Variants in ASCC1 observed in about 807,000 individuals in gnomAD.
ASCC1 encodes activating signal cointegrator 1 complex subunit 1.
Under a neutral mutation model 46.6 loss-of-function variants are expected in ASCC1, and 35 were observed. The observed-to-expected ratio is 0.75, with a 90% CI of 0.57 to 0.99. The LOEUF (loss-of-function observed/expected upper bound fraction) is 0.99. ASCC1 is among the 50% of genes least tolerant of loss of function. ASCC1 has a pLI of 0.00. For missense variants in ASCC1, 376 were observed against 428.7 expected, an observed-to-expected ratio of 0.88 and a Z score of 1.09; for synonymous variants, 143 against 146.6, an observed-to-expected ratio of 0.98 and a Z score of 0.18.
intron 5 of ASCC1, among the ~76,000 whole-genome samples, chr10:72,174,638 T>C (rs894305229): frequency 1.3e-5 from 2 of 152,202 alleles, no homozygotes; most frequent in Non-Finnish European, 2.9e-5. Flanking sequence ...TACATGCCAA[T>C]TGCCAGAGAC....
intron 9 of ASCC1, among the ~76,000 whole-genome samples, chr10:72,119,363 G>C (rs948435759): frequency 1.3e-5 from 2 of 152,072 alleles, no homozygotes; most frequent in Admixed American, 1.3e-4. Flanking sequence ...ACATACCTAG[G>C]GGAAGGATGA....
chr10:72,186,784 C>T (rs1268639871), intron 5 of ASCC1, among the ~76,000 whole-genome samples: 5 of 151,768 alleles, frequency 3.3e-5, no homozygotes, highest in Non-Finnish European at 7.4e-5. Flanking sequence ...TCCCTGAAAG[C>T]AGGAAGGAAG....
chr10:72,207,199 G>A (rs1434966306), intron 3 of ASCC1, among the ~76,000 whole-genome samples: 1 of 152,146 alleles, frequency 6.6e-6, no homozygotes, highest in Non-Finnish European at 1.5e-5. Flanking sequence ...ATCACCTGAG[G>A]TCATGAGTTC....
At chr10:72,129,095 C>T (rs1845242010) in intron 8 of ASCC1, among the ~76,000 whole-genome samples, 1 of 152,140 alleles carries the variant, frequency 6.6e-6, no homozygotes, top group African/African-American at 2.4e-5. Flanking sequence ...ACTCCATGAA[C>T]ATAATACATA....
chr10:72,160,752 C>A (rs1849558267), intron 6 of ASCC1, among the ~76,000 whole-genome samples: 1 of 145,088 alleles, frequency 6.9e-6, no homozygotes, highest in African/African-American at 2.6e-5. Context: ...TTTTAAAATT[C>A]TTGCTGAATC....
At chr10:72,207,600 T>C (rs1857404206) in intron 3 of ASCC1, among the ~76,000 whole-genome samples, 1 of 152,072 alleles carries the variant, frequency 6.6e-6, no homozygotes, top group South Asian at 2.1e-4. Flanking sequence ...CAGACTCTGA[T>C]TTAATCGGTC....
intron 9 of ASCC1, among the ~76,000 whole-genome samples, chr10:72,113,306 C>T (rs562117332): frequency 3.3e-4 from 51 of 152,294 alleles, no homozygotes; most frequent in Non-Finnish European, 6.3e-4. Context: ...TGACCCAGGA[C>T]AACACATGGA....
intron 9 of ASCC1, among the ~76,000 whole-genome samples, chr10:72,098,073 G>A (rs1198405786): frequency 6.6e-6 from 1 of 152,168 alleles, no homozygotes; most frequent in Non-Finnish European, 1.5e-5. Flanking sequence ...ATTAGACTTG[G>A]ATTCAAGCCA....
intron 8 of ASCC1, among the ~76,000 whole-genome samples, chr10:72,129,103 A>G (rs759730614): frequency 3.3e-5 from 5 of 152,246 alleles, no homozygotes; most frequent in Non-Finnish European, 7.3e-5. Flanking sequence ...AACATAATAC[A>G]TAATACATTT....
chr10:72,099,906 A>G (rs1841541916), intron 9 of ASCC1, among the ~76,000 whole-genome samples: 1 of 152,194 alleles, frequency 6.6e-6, no homozygotes, highest in Non-Finnish European at 1.5e-5. Flanking sequence ...AATAAAAAAT[A>G]TCTTGTAAAC....
rs745569621 is a variant in ASCC1, at chr10:72,132,961, T to C, written c.871+96A>G. ...GCTAAGAGGTCTAAAAAAGAAGCTA[T>C]ATCAGAGATTCTTTGATAGCTCATT... On this transcript the variant is annotated intron_variant, in intron 8 of 9. Transcript: ENST00000672957. 4 of 1,508,588 alleles carry C rather than the reference T, an allele frequency of 2.7e-6. No individual in the cohort carries two copies. In the Admixed American group the frequency reaches 5.0e-5, roughly 19 times the overall value. The allele number at this position is 1,508,588 out of a possible 1,614,324, so 93.5% of individuals were successfully genotyped here.
At chr10:72,203,652 T>C in intron 3 of ASCC1, 128 bp from the exon 4 acceptor site, 1 of 742,158 alleles carries the variant, frequency 1.3e-6, no homozygotes, top group Non-Finnish European at 2.3e-6. Flanking sequence ...AAGCTCAATA[T>C]TTGCGGAAGA....
intron 7 of ASCC1, among the ~76,000 whole-genome samples, chr10:72,143,585 C>T (rs1481780414): frequency 6.7e-6 from 1 of 148,344 alleles, no homozygotes; most frequent in Admixed American, 6.9e-5. Flanking sequence ...TGCAAGATAC[C>T]AACTCATTAA....
intron 5 of ASCC1, among the ~76,000 whole-genome samples, chr10:72,164,122 C>T (rs991877663): frequency 6.6e-6 from 1 of 152,084 alleles, no homozygotes; most frequent in African/African-American, 2.4e-5. Flanking sequence ...GCCACCACTC[C>T]TGGCTAATTT....
intron 9 of ASCC1, among the ~76,000 whole-genome samples, chr10:72,125,739 T>A (rs192996075): frequency 6.6e-6 from 1 of 152,184 alleles, no homozygotes; most frequent in Non-Finnish European, 1.5e-5. Flanking sequence ...AGTAAAATAT[T>A]AAATACTATA....
chr10:72,152,932 T>C lies in ASCC1; in HGVS notation c.683A>G (p.Asn228Ser). ...AACATCCACCATGCCAGGATCATCA[T>C]TCATGTATTCTATCCCTGCCATCTC... is the stretch of plus-strand genomic sequence containing the variant. ...EVEMAGIEYM[N>S]DDPGMVDVLY... The change falls in exon 7 of 10, where the codon AAT becomes AGT. Residue 228 changes from asparagine (N) to serine (S), a missense_variant. Asn to Ser is a conservative substitution (Grantham distance 46). Transcript: ENST00000672957. 6.2e-7 allele frequency: 1 copy of C among 1,614,182 alleles called. No homozygotes were observed. Among genetic ancestry groups the C allele is most frequent in the Non-Finnish European group, 8.5e-7 (1 of 1,180,016 alleles).
intron 8 of ASCC1, among the ~76,000 whole-genome samples, chr10:72,128,721 A>G (rs941102460): frequency 6.6e-6 from 1 of 152,198 alleles, no homozygotes; most frequent in Non-Finnish European, 1.5e-5. Flanking sequence ...CAAATCTATG[A>G]CCTTAGCCTA....
intron 6 of ASCC1, among the ~76,000 whole-genome samples, chr10:72,161,084 A>C (rs1203454534): frequency 6.6e-6 from 1 of 151,984 alleles, no homozygotes; most frequent in African/African-American, 2.4e-5. Flanking sequence ...TTCCATCTCA[A>C]AAAACAAAAA....
chr10:72,211,403 T>G (rs2133502818), intron 2 of ASCC1, among the ~76,000 whole-genome samples: 1 of 152,208 alleles, frequency 6.6e-6, no homozygotes, highest in Non-Finnish European at 1.5e-5. Flanking sequence ...AAATCCAGCC[T>G]GGGCAACAAA....
Sources: allele counts gnomAD v4.1 joint callset (sites outside exome capture counted in the v4.1 genomes callset), GRCh38; gene constraint gnomAD v4.1.1; transcripts MANE v1.5; gene names NCBI Gene and HGNC (gene_info 2026-07-23, HGNC 2026-07-21).